STIM2: variants seen among roughly 807,000 people sequenced by gnomAD.
STIM2 encodes the protein stromal interaction molecule 2.
A neutral mutation model predicts 85.8 loss-of-function variants in STIM2; 31 were observed. The ratio of observed to expected loss-of-function variants is 0.36; its 90% CI spans 0.27 to 0.49. The LOEUF (loss-of-function observed/expected upper bound fraction) is 0.49, where lower values mean the gene tolerates loss of function less well. STIM2 is among the 20% of genes least tolerant of loss of function. The probability of loss-of-function intolerance (pLI) is 0.98; values close to 1 mark genes in which losing one functional copy is unlikely to be tolerated. For missense variants in STIM2, 841 were observed against 927.6 expected (o/e 0.91, Z 1.21); for synonymous variants, 356 against 331.1 (o/e 1.08, Z -0.82).
intron 1 of STIM2, among the ~76,000 whole-genome samples, chr4:26,917,547 CTAGT>C (rs1724630514): frequency 6.6e-6 from 1 of 151,474 alleles, no homozygotes; most frequent in Non-Finnish European, 1.5e-5. Context: ...ATTAGATTAG[CTAGT>C]GTTTATGAAA....
At chr4:26,871,268 C>T (rs1337817620) in intron 1 of STIM2, among the ~76,000 whole-genome samples, 3 of 152,010 alleles carry the variant, frequency 2.0e-5, no homozygotes, top group Admixed American at 6.6e-5. Flanking sequence ...TCAAATAGTT[C>T]GTACTTTAAA....
intron 3 of STIM2, among the ~76,000 whole-genome samples, chr4:26,961,074 C>G (rs1435735924): frequency 6.6e-6 from 1 of 151,036 alleles, no homozygotes. Context: ...TCAATACATA[C>G]TATATAGTAG....
chr4:26,864,814 G>A (rs907861469), intron 1 of STIM2, among the ~76,000 whole-genome samples: 3 of 152,112 alleles, frequency 2.0e-5, no homozygotes, highest in Admixed American at 6.5e-5. Flanking sequence ...ACCCAGTACT[G>A]TTACACACAT....
At chr4:26,962,436 A>G (rs942026691) in intron 3 of STIM2, among the ~76,000 whole-genome samples, 1 of 152,204 alleles carries the variant, frequency 6.6e-6, no homozygotes, top group African/African-American at 2.4e-5. Flanking sequence ...ATTGTGTGCA[A>G]ACTCTGGACA....
chr4:26,926,268 A>T (rs1414037136), intron 2 of STIM2, among the ~76,000 whole-genome samples: 4,054 of 11,938 alleles, frequency 0.34, 4 homozygotes, highest in African/African-American at 0.41. Flanking sequence ...ATACTACCTG[A>T]CTTCAAACTA....
intron 1 of STIM2, among the ~76,000 whole-genome samples, chr4:26,903,727 G>GA (rs1158730752): frequency 2.6e-5 from 4 of 152,030 alleles, no homozygotes; most frequent in African/African-American, 9.7e-5. Context: ...TAGGTTTGGA[G>GA]AAAAAACAAA....
At chr4:26,905,468 T>G (rs1391241695) in intron 1 of STIM2, among the ~76,000 whole-genome samples, 2 of 152,130 alleles carry the variant, frequency 1.3e-5, no homozygotes, top group East Asian at 3.9e-4. Context: ...GGGCAGAGTC[T>G]GGTTAATATT....
At chr4:26,928,004 C>G (rs186055461) in intron 2 of STIM2, among the ~76,000 whole-genome samples, 2 of 151,532 alleles carry the variant, frequency 1.3e-5, no homozygotes, top group African/African-American at 4.9e-5. Context: ...GTTGGGAAGT[C>G]CAACATCAAG....
At chr4:26,906,443 T>G (rs1398562654) in intron 1 of STIM2, among the ~76,000 whole-genome samples, 1 of 139,840 alleles carries the variant, frequency 7.2e-6, no homozygotes, top group African/African-American at 2.5e-5. Flanking sequence ...TTTGTTTGTT[T>G]TTTTTTTTTT....
At chr4:27,005,169 A>G (rs749502058) in intron 7 of STIM2, among the ~76,000 whole-genome samples, 4 of 152,228 alleles carry the variant, frequency 2.6e-5, no homozygotes, top group Non-Finnish European at 5.9e-5. Context: ...TTGTCTGGAG[A>G]ATAATCAACA....
intron 1 of STIM2, 127 bp downstream of exon 1, chr4:26,861,496 C>G: frequency 1.6e-6 from 2 of 1,217,030 alleles, no homozygotes; most frequent in Non-Finnish European, 2.1e-6. Context: ...GATGCGGAGC[C>G]CTGCCTGCTG....
At chr4:27,002,902 A>C (rs778511135) in intron 6 of STIM2, 25 bp from the exon 7 acceptor site, 1 of 1,478,964 alleles carries the variant, frequency 6.8e-7, no homozygotes, top group African/African-American at 1.5e-5. Flanking sequence ...TTTGTGAGGA[A>C]TTTTTATTTT....
chr4:26,959,064 G>A (rs1484043238), intron 3 of STIM2, among the ~76,000 whole-genome samples: 2 of 152,088 alleles, frequency 1.3e-5, no homozygotes, highest in East Asian at 1.9e-4. Context: ...CCCTGTGTTT[G>A]TGCTCTGCTG....
intron 3 of STIM2, among the ~76,000 whole-genome samples, chr4:26,964,730 ATGTGTTCTC>A (rs1322835104): frequency 6.6e-6 from 1 of 152,168 alleles, no homozygotes; most frequent in Non-Finnish European, 1.5e-5. Flanking sequence ...CAGATGAAGA[ATGTGTTCTC>A]TGTCCTCCAC....
intron 4 of STIM2, 36 bp from the exon 5 acceptor site, chr4:26,999,192 AATAT>A (rs547125145): frequency 8.4e-6 from 7 of 834,486 alleles, no homozygotes; most frequent in Admixed American, 3.7e-5. Context: ...ATTTTCATTT[AATAT>A]ATATATATAT....
chr4:26,998,025 C>A (rs1439267245), intron 4 of STIM2, among the ~76,000 whole-genome samples: 1 of 152,084 alleles, frequency 6.6e-6, no homozygotes, highest in Non-Finnish European at 1.5e-5. Flanking sequence ...AATTATGTAA[C>A]CTTAGGCAAG....
Position 27,014,178 on chromosome 4 carries a change from T to C in STIM2, c.1490-3533T>C, listed in dbSNP as rs941666264. On this transcript the variant is annotated intron_variant, in intron 10 of 11. Transcript: ENST00000467087. Reference sequence around the variant, plus strand: ...CTTGTCGAAATCCTGTTTGTTTTGTTAATATTGTCTGTTTATTTCTGCTCT... The same window carrying C: ...CTTGTCGAAATCCTGTTTGTTTTGTCAATATTGTCTGTTTATTTCTGCTCT... Among the ~76,000 whole-genome samples the C allele has an allele frequency of 1.2e-4, 19 of 152,068 alleles. 1 individual carries two copies. The highest frequency in any genetic ancestry group is 4.3e-4 in the African/African-American group (18 of 41,562).
chr4:26,876,148 A>G (rs1722808472), intron 1 of STIM2, among the ~76,000 whole-genome samples: 1 of 152,188 alleles, frequency 6.6e-6, no homozygotes, highest in African/African-American at 2.4e-5. Flanking sequence ...GATTTGGATG[A>G]ATCAAATGGA....
At chr4:27,002,087 A>C in intron 5 of STIM2, 130 bp from the exon 6 acceptor site, 5 of 745,128 alleles carry the variant, frequency 6.7e-6, no homozygotes, top group Non-Finnish European at 4.2e-6. Flanking sequence ...TTAAAAGGCT[A>C]GAGCTTGTGC....
Sources: allele counts gnomAD v4.1 joint callset (sites outside exome capture counted in the v4.1 genomes callset), GRCh38; gene constraint gnomAD v4.1.1; transcripts MANE v1.5; gene names NCBI Gene and HGNC (gene_info 2026-07-23, HGNC 2026-07-21).